The following LRBA variants were observed in gnomAD, a reference collection of about 807,000 sequenced individuals.
The protein encoded by LRBA is lipopolysaccharide-responsive and beige-like anchor protein.
In LRBA, 176 loss-of-function variants were observed where a neutral mutation model predicts 330.0. The ratio of observed to expected loss-of-function variants is 0.53; its 90% CI spans 0.47 to 0.60. The LOEUF (loss-of-function observed/expected upper bound fraction) is 0.60. Among genes scored for constraint, LRBA ranks in the 20% least tolerant of loss-of-function variants. LRBA has a pLI of 0.00. For missense variants in LRBA, 3,259 were observed against 3,444.8 expected (o/e 0.95, Z 1.35); for synonymous variants, 1,230 against 1,193.0 (o/e 1.03, Z -0.64).
intron 16 of LRBA, among the ~76,000 whole-genome samples, chr4:150,896,141 G>A (rs1300457604): frequency 6.6e-6 from 1 of 151,950 alleles, no homozygotes; most frequent in African/African-American, 2.4e-5. Context: ...GTATGCTTTG[G>A]TATACTTTAT....
chr4:150,961,974 T>C (rs1233018050), intron 2 of LRBA, among the ~76,000 whole-genome samples: 6 of 149,320 alleles, frequency 4.0e-5, no homozygotes, highest in Non-Finnish European at 2.9e-5. Context: ...ACATATGAAG[T>C]AACTTGCCCA....
rs111428268 is a variant in LRBA, at chr4:150,385,786, T to G, written c.7194+29652A>C. Among the ~76,000 whole-genome samples, 1,291 of 152,196 alleles carry G rather than the reference T, an allele frequency of 8.5e-3. 14 individuals are homozygous for G. Among genetic ancestry groups the G allele is most frequent in the African/African-American group, 0.03 (1,228 of 41,514 alleles). On this transcript the variant is annotated intron_variant, in intron 47 of 56. Coordinates refer to ENST00000651943, the MANE Select transcript of LRBA (RefSeq NM_001364905.1). ...TTTAAGACTAAGGATGCCAAGTACA[T>G]TTCCAGCCAGCAGAGTAAAAAGGAA...
intron 38 of LRBA, among the ~76,000 whole-genome samples, chr4:150,598,002 G>A (rs550307897): frequency 7.9e-5 from 12 of 152,186 alleles, no homozygotes; most frequent in Admixed American, 3.9e-4. Flanking sequence ...CTTTAAGGCT[G>A]AGTGCAAGAG....
At chr4:150,448,618 A>G (rs935568944) in intron 44 of LRBA, among the ~76,000 whole-genome samples, 1 of 152,050 alleles carries the variant, frequency 6.6e-6, no homozygotes, top group African/African-American at 2.4e-5. Flanking sequence ...CCTGGCCAAC[A>G]TGATGAAACC....
intron 47 of LRBA, among the ~76,000 whole-genome samples, chr4:150,353,903 T>C (rs1463019934): frequency 2.0e-5 from 3 of 152,176 alleles, no homozygotes; most frequent in African/African-American, 4.8e-5. Flanking sequence ...TCTTGCAATA[T>C]ACCAAAGCTT....
chr4:150,835,404 C>A (rs1355465501), intron 28 of LRBA, among the ~76,000 whole-genome samples: 2 of 152,134 alleles, frequency 1.3e-5, no homozygotes, highest in Admixed American at 1.3e-4. Flanking sequence ...GCAGTATGGC[C>A]ATTTTCATGA....
chr4:150,902,151 C>G (rs1168561006), intron 13 of LRBA, among the ~76,000 whole-genome samples: 2 of 151,896 alleles, frequency 1.3e-5, no homozygotes, highest in Non-Finnish European at 2.9e-5. Flanking sequence ...ATTCAGAGGA[C>G]AGATAAATTA....
intron 35 of LRBA, among the ~76,000 whole-genome samples, chr4:150,737,476 A>C (rs988268516): frequency 6.6e-6 from 1 of 151,954 alleles, no homozygotes; most frequent in South Asian, 2.1e-4. Flanking sequence ...TGAACAAACG[A>C]ATGAACGAAC....
intron 2 of LRBA, among the ~76,000 whole-genome samples, chr4:150,938,937 T>C (rs970075286): frequency 5.3e-5 from 8 of 152,210 alleles, no homozygotes; most frequent in African/African-American, 1.9e-4. Flanking sequence ...AAATATATAT[T>C]ATCTATAACT....
intron 37 of LRBA, among the ~76,000 whole-genome samples, chr4:150,669,522 A>T (rs1047204258): frequency 2.6e-5 from 4 of 151,772 alleles, no homozygotes; most frequent in African/African-American, 9.7e-5. Context: ...TTTGGAGACT[A>T]CTGACCATTT....
intron 40 of LRBA, among the ~76,000 whole-genome samples, chr4:150,556,000 G>C (rs750168113): frequency 2.0e-5 from 3 of 151,826 alleles, no homozygotes; most frequent in Non-Finnish European, 4.4e-5. Context: ...ATGAGATACT[G>C]TTATGTTGTC....
chr4:150,333,885 G>T (rs902355316), intron 48 of LRBA, among the ~76,000 whole-genome samples: 1 of 152,044 alleles, frequency 6.6e-6, no homozygotes, highest in Non-Finnish European at 1.5e-5. Context: ...GGCCAAAAAA[G>T]GACCCATAGC....
At chr4:150,459,088 T>C (rs1056242607) in intron 44 of LRBA, among the ~76,000 whole-genome samples, 12 of 151,934 alleles carry the variant, frequency 7.9e-5, no homozygotes, top group Non-Finnish European at 1.6e-4. Context: ...CCAGTGAATA[T>C]GTCCAAAGAG....
chr4:150,318,281 G>A (rs1399365140), intron 50 of LRBA, among the ~76,000 whole-genome samples: 1 of 152,060 alleles, frequency 6.6e-6, no homozygotes, highest in Non-Finnish European at 1.5e-5. Flanking sequence ...ATTTGCTGGT[G>A]TTATTCTAAT....
chr4:150,760,821 G>A (rs536901979), intron 35 of LRBA, among the ~76,000 whole-genome samples: 3 of 152,184 alleles, frequency 2.0e-5, no homozygotes, highest in Admixed American at 2.0e-4. Flanking sequence ...ATAATTGCAG[G>A]TTACTAGTCT....
intron 41 of LRBA, among the ~76,000 whole-genome samples, chr4:150,488,525 C>G (rs546011211): frequency 4.6e-5 from 7 of 151,562 alleles, no homozygotes; most frequent in African/African-American, 1.4e-4. Flanking sequence ...AAGTACATGT[C>G]AATATGTAAA....
At chr4:150,307,526 C>G (rs1730513040) in intron 52 of LRBA, among the ~76,000 whole-genome samples, 1 of 151,408 alleles carries the variant, frequency 6.6e-6, no homozygotes, top group African/African-American at 2.4e-5. Flanking sequence ...TTAAGACCAC[C>G]CTGGACAACA....
intron 36 of LRBA, among the ~76,000 whole-genome samples, chr4:150,723,212 C>T (rs1024007916): frequency 6.6e-6 from 1 of 152,164 alleles, no homozygotes. Flanking sequence ...CCTAGAGACA[C>T]ACCAGCTTGC....
intron 36 of LRBA, among the ~76,000 whole-genome samples, chr4:150,714,299 A>G (rs1215526192): frequency 1.3e-5 from 2 of 152,176 alleles, no homozygotes; most frequent in Non-Finnish European, 2.9e-5. Context: ...ACATTTTTAC[A>G]ATTATTTTAA....
Sources: allele counts gnomAD v4.1 joint callset (sites outside exome capture counted in the v4.1 genomes callset), GRCh38; gene constraint gnomAD v4.1.1; transcripts MANE v1.5; gene names NCBI Gene and HGNC (gene_info 2026-07-23, HGNC 2026-07-21).